The following UBTF variants were observed in gnomAD, a reference collection of about 807,000 sequenced individuals.
The protein encoded by UBTF is nucleolar transcription factor 1.
Under a neutral mutation model 112.3 loss-of-function variants are expected in UBTF, and 8 were observed. That is an observed-to-expected ratio of 0.07 (90% confidence interval 0.04 to 0.13). The LOEUF (loss-of-function observed/expected upper bound fraction) is 0.13, where lower values mean the gene tolerates loss of function less well. UBTF is among the 10% of genes least tolerant of loss of function. The pLI is 1.00. For synonymous variants in UBTF, 417 were observed against 373.1 expected (o/e 1.12, Z -1.36); for missense variants, 457 against 982.1 (o/e 0.47, Z 7.15).
chr17:44,211,575 C>T lies in UBTF; in HGVS notation c.1047+31G>A, dbSNP rs756904754. 2.5e-6 allele frequency: 4 copies of T among 1,599,966 alleles called. No homozygotes were observed. The Admixed American group carries it at 6.7e-5, about 27-fold the overall frequency. On this transcript the variant is annotated intron_variant, in intron 10 of 20. Transcript: ENST00000436088. This position sits in a 1 kb window ranked among gnomAD's most constrained non-coding sequence, Gnocchi z 4.9. ...GGATCAGACCTCATGCTTCAAAACC[C>T]CAAGGCAGGGTGGCCCCTGCCACAG... is the stretch of plus-strand genomic sequence containing the variant.
Position 44,210,838 on chromosome 17 carries a change from G to A in UBTF, c.1313C>T (p.Thr438Ile), listed in dbSNP as rs1453285060. ...GTTCCACATTCGGGCCAGCAGGCGGGTCAGCTCGCTCTCGGAGAGCTCAGG... is the reference window on the plus strand; with the variant it reads ...GTTCCACATTCGGGCCAGCAGGCGGATCAGCTCGCTCTCGGAGAGCTCAGG... ...ERPELSESEL[T>I]RLLARMWNDL... Residue 438 changes from threonine (T) to isoleucine (I), a missense_variant, in exon 13 of 21, where the codon ACC becomes ATC. Physicochemically the swap from Thr to Ile is moderately conservative, Grantham distance 89. This residue lies in a region of UBTF where 108 missense variants were observed against 137.4 expected (regional missense o/e 0.79). Coordinates refer to ENST00000436088, the MANE Select transcript of UBTF (RefSeq NM_014233.4). 3 of 1,569,452 alleles carry A rather than the reference G, an allele frequency of 1.9e-6. No homozygotes were observed. The highest frequency in any genetic ancestry group is 2.6e-6 in the Non-Finnish European group (3 of 1,156,720).
chr17:44,207,961 A>G, intron 17 of UBTF, 50 bp from the exon 18 acceptor site: 1 of 1,612,410 alleles, frequency 6.2e-7, no homozygotes, highest in Non-Finnish European at 8.5e-7. Flanking sequence ...ACTACTGCTG[A>G]CTGAGCATGC....
chr17:44,210,348 G>T lies in UBTF; in HGVS notation c.1485C>A (p.Ser495Arg). 1 of 1,614,206 alleles carries T rather than the reference G, an allele frequency of 6.2e-7. No homozygotes were observed. The highest frequency in any genetic ancestry group is 8.5e-7 in the Non-Finnish European group (1 of 1,180,038). The change falls in exon 14 of 21, where the codon AGC (serine) becomes AGA (arginine). Residue 495 changes from serine (S) to arginine (R), a missense_variant. Ser to Arg is a moderately radical substitution (Grantham distance 110, BLOSUM62 -1). Around this residue, in one of 7 missense-constraint regions of UBTF, gnomAD observed 77 missense variants for 211.9 expected, o/e 0.36. Coordinates refer to ENST00000436088, the MANE Select transcript of UBTF (RefSeq NM_014233.4). ...AGCGGGCCAGGTAGTCGCCGATAAC[G>T]CTCTGTTGCCAGATCTCCTCAGCTC... ...PKRAEEIWQQ[S>R]VIGDYLARFK...
rs374377415 is a variant in UBTF, at chr17:44,211,024, G to T, written c.1203+15C>A. ...CTTGCCCACCCCCGCCTGCGCGGCC[G>T]CACCCTCTGCCCACCTTGCCCCCTT... is the stretch of plus-strand genomic sequence containing the variant. On this transcript the variant is annotated intron_variant, in intron 12 of 20. Transcript: ENST00000436088. This position sits in a 1 kb window ranked among gnomAD's most constrained non-coding sequence, Gnocchi z 4.9. 11 of 1,606,266 alleles carry T rather than the reference G, an allele frequency of 6.8e-6. No homozygotes were observed. In the African/African-American group the frequency reaches 1.5e-4, roughly 21 times the overall value.
chr17:44,220,198 T>C (rs2047114507), upstream of UBTF, among the ~76,000 whole-genome samples: 1 of 151,184 alleles, frequency 6.6e-6, no homozygotes, highest in African/African-American at 2.4e-5. Flanking sequence ...GCGGGGGAAC[T>C]AGCAGGCTTC....
At chr17:44,215,832 A>G (rs368306656) in intron 4 of UBTF, 23 bp from the exon 5 acceptor site, 1 of 1,613,916 alleles carries the variant, frequency 6.2e-7, no homozygotes, top group Non-Finnish European at 8.5e-7. Context: ...ACAAGGACAC[A>G]ATGGAGGTCA....
chr17:44,218,148 A>C (rs2046941630), intron 2 of UBTF, 24 bp downstream of exon 2: 1 of 1,610,308 alleles, frequency 6.2e-7, no homozygotes, highest in South Asian at 1.1e-5. Context: ...TAAGTTTCAG[A>C]GGGCCGGGGG....
rs893700806 is a variant in UBTF, at chr17:44,206,598, A to T, written c.*644T>A. On this transcript the variant is annotated 3_prime_UTR_variant, in exon 21 of 21. Coordinates refer to ENST00000436088, the MANE Select transcript of UBTF (RefSeq NM_014233.4). ...AACAGAGACGGCAGCCGAGATCGGT[A>T]GGAAACGTCTCGTTGACAGCTCAGA... 3 of 149,544 alleles carry T rather than the reference A, an allele frequency of 2.0e-5. No homozygotes were observed. Among genetic ancestry groups the T allele is most frequent in the Non-Finnish European group, 3.0e-5 (2 of 67,444 alleles). The allele number at this position is 149,544 out of a possible 1,614,324, so 9.3% of individuals were successfully genotyped here.
intron 1 of UBTF, 109 bp from the exon 2 acceptor site, chr17:44,218,405 G>C (rs187946873): frequency 6.2e-6 from 4 of 644,938 alleles, no homozygotes; most frequent in South Asian, 1.8e-5. Context: ...GAGAGACTCA[G>C]CCATGACCTT....
Position 44,209,391 on chromosome 17 carries a change from C to T in UBTF, c.1866G>A (p.Gln622=). 6.2e-7 allele frequency: 1 copy of T among 1,613,182 alleles called. No individual in the cohort carries two copies. The highest frequency in any genetic ancestry group is 8.5e-7 in the Non-Finnish European group (1 of 1,179,416). ...CCAGGTGCACCTTGTACTGCTTTTG[C>T]TGCTCCTCGGCCAGCTTTTTGTAGT... ...KEHYKKLAEE[Q]QKQYKVHLDL... The change falls in exon 17 of 21, where the codon CAG becomes CAA. Residue 622 remains glutamine, a synonymous_variant. Coordinates refer to ENST00000436088, the MANE Select transcript of UBTF (RefSeq NM_014233.4).
In UBTF at chr17:44,212,902, A is replaced by G; in HGVS notation, c.577T>C (p.Ser193Pro). 6.2e-7 allele frequency: 1 copy of G among 1,613,974 alleles called. No homozygotes were observed. The change falls in exon 7 of 21, where the codon TCG (serine) becomes CCG (proline). Residue 193 changes from serine (S) to proline (P), a missense_variant. Around this residue, in one of 7 missense-constraint regions of UBTF, gnomAD observed 87 missense variants for 286.6 expected, o/e 0.30. Transcript: ENST00000436088. ...GTTTTGGGCTTCTCTGGGATGTCCGATTTCTTGGCATTCTGGATTAGGTCG... is the reference window on the plus strand; with the variant it reads ...GTTTTGGGCTTCTCTGGGATGTCCGGTTTCTTGGCATTCTGGATTAGGTCG... ...HPDLIQNAKK[S>P]DIPEKPKTPQ...
intron 17 of UBTF, 124 bp from the exon 18 acceptor site, chr17:44,208,035 G>T: frequency 8.1e-7 from 1 of 1,239,316 alleles, no homozygotes; most frequent in East Asian, 2.5e-5. Context: ...CCCCTCCCAG[G>T]CTCCCTAGAT....
In UBTF at chr17:44,210,206, A is replaced by G; in HGVS notation, c.1544T>C (p.Met515Thr). ...KNDRVKALKA[M>T]EMTWNNMEKK... ...TTCCATGTTATTCCAGGTCATTTCC[A>G]TGGCTTTCAAGGCCTTCACCCGGTC... Residue 515 changes from methionine (M) to threonine (T), a missense_variant, in exon 15 of 21, where the codon ATG (methionine) becomes ACG (threonine). By Grantham distance (81) the Met-to-Thr change is moderately conservative. Coordinates refer to ENST00000436088, the MANE Select transcript of UBTF (RefSeq NM_014233.4). 6.2e-7 allele frequency: 1 copy of G among 1,614,132 alleles called. No individual in the cohort carries two copies. The highest frequency in any genetic ancestry group is 8.5e-7 in the Non-Finnish European group (1 of 1,180,020).
rs1029526823 is a variant in UBTF at position 44,212,681 on chromosome 17, G to A, written c.660+138C>T. 6.9e-6 allele frequency: 10 copies of A among 1,457,418 alleles called. No individual in the cohort carries two copies. The East Asian group carries it at 9.2e-5, about 13-fold the overall frequency. The allele number at this position is 1,457,418 out of a possible 1,614,324, so 90.3% of individuals were successfully genotyped here. ...CACACGCTTGCACGCCAGCTGGCCC[G>A]GGCCCTGTCCATGCAGCCCACCCCT... is the stretch of plus-strand genomic sequence containing the variant. On this transcript the variant is annotated intron_variant, in intron 7 of 20. Coordinates refer to ENST00000436088, the MANE Select transcript of UBTF (RefSeq NM_014233.4).
At chr17:44,210,553 C>T in intron 13 of UBTF, 80 bp from the exon 14 acceptor site, 1 of 1,459,224 alleles carries the variant, frequency 6.9e-7, no homozygotes, top group South Asian at 1.4e-5. Flanking sequence ...CAGGCGCTCC[C>T]GCCGGCGGGC....
intron 1 of UBTF, chr17:44,219,170 G>T (rs538222533): frequency 6.6e-6 from 1 of 150,816 alleles, no homozygotes; most frequent in Non-Finnish European, 1.5e-5. Context: ...AGCGCTCACC[G>T]GCCCCGCCGC....
rs1415357526 is a variant in UBTF at position 44,218,294 on chromosome 17, A to C, written c.-65T>G. On this transcript the variant is annotated splice_region_variant and 5_prime_UTR_variant, in exon 2 of 21. Transcript: ENST00000436088. Reference sequence around the variant, plus strand: ...GGCAACCCGGGGTCAAAGCCACCTCACCCTTTGGAAGACATACCAGTTCCC... The same window carrying C: ...GGCAACCCGGGGTCAAAGCCACCTCCCCCTTTGGAAGACATACCAGTTCCC... The C allele has an allele frequency of 6.4e-7, 1 of 1,572,336 alleles. No individual in the cohort carries two copies. The highest frequency in any genetic ancestry group is 8.7e-7 in the Non-Finnish European group (1 of 1,150,996).
Position 44,211,175 on chromosome 17 carries a change from G to A in UBTF, c.1090-23C>T. 1.9e-6 allele frequency: 3 copies of A among 1,612,902 alleles called. No individual in the cohort carries two copies. The highest frequency in any genetic ancestry group is 2.5e-6 in the Non-Finnish European group (3 of 1,179,786). On this transcript the variant is annotated intron_variant, in intron 11 of 20. Transcript: ENST00000436088. This position sits in a 1 kb window ranked among gnomAD's most constrained non-coding sequence, Gnocchi z 4.9. ...GCTCTGGACAGGAAAGAGGAGCACGGGGCTGCATGCCTGGCACCCAGACTG... is the reference window on the plus strand; with the variant it reads ...GCTCTGGACAGGAAAGAGGAGCACGAGGCTGCATGCCTGGCACCCAGACTG...
intron 2 of UBTF, among the ~76,000 whole-genome samples, chr17:44,217,948 G>A (rs960000445): frequency 6.6e-6 from 1 of 152,174 alleles, no homozygotes; most frequent in Admixed American, 6.5e-5. Flanking sequence ...TAACACAGAG[G>A]GTGAGGGACA....
Sources: gnomAD v4.1 joint callset for allele counts (sites outside exome capture counted in the v4.1 genomes callset) on GRCh38, gnomAD v4.1.1 for gene constraint, gnomAD v4.1.1 regional missense constraint, Gnocchi (gnomAD v3.1) non-coding constraint, MANE v1.5 for transcripts, NCBI Gene and HGNC (gene_info 2026-07-23, HGNC 2026-07-21) for gene names.